The following RPS6KA2 variants were observed in gnomAD, a reference collection of about 807,000 sequenced individuals.
RPS6KA2 encodes the protein ribosomal protein S6 kinase alpha-2.
A neutral mutation model predicts 91.8 loss-of-function variants in RPS6KA2; 42 were observed. The observed-to-expected ratio is 0.46, with a 90% CI of 0.36 to 0.59. The LOEUF (loss-of-function observed/expected upper bound fraction) is 0.59, where lower values mean the gene tolerates loss of function less well. RPS6KA2 is among the 20% of genes least tolerant of loss of function. The pLI, the probability that RPS6KA2 is intolerant of heterozygous loss-of-function variation, is 0.00. For synonymous variants in RPS6KA2, 414 were observed against 393.6 expected (o/e 1.05, Z -0.61); for missense variants, 798 against 978.5 (o/e 0.82, Z 2.46).
chr6:166,720,999 A>G (rs1280746175), intron 2 of RPS6KA2, among the ~76,000 whole-genome samples: 2 of 152,210 alleles, frequency 1.3e-5, no homozygotes, highest in East Asian at 3.8e-4. Flanking sequence ...CATCTTACAT[A>G]CACTTCACAG....
chr6:166,680,604 G>A (rs1292990927), intron 2 of RPS6KA2, among the ~76,000 whole-genome samples: 4 of 152,206 alleles, frequency 2.6e-5, no homozygotes, highest in East Asian at 3.9e-4. Context: ...CCGCCAGGAG[G>A]GACGAACAAC....
intron 2 of RPS6KA2, among the ~76,000 whole-genome samples, chr6:166,724,150 A>G (rs1790269309): frequency 6.6e-6 from 1 of 152,232 alleles, no homozygotes; most frequent in Admixed American, 6.5e-5. Context: ...GTATGAGTAT[A>G]TCAAATATGC....
chr6:166,508,008 A>G lies in RPS6KA2; in HGVS notation c.459+195T>C, dbSNP rs1583219754. 6.9e-6 allele frequency among the ~76,000 whole-genome samples: 1 copy of G among 144,582 alleles called. No homozygotes were observed. The highest frequency in any genetic ancestry group is 2.1e-4 in the East Asian group (1 of 4,734). The allele number at this position is 144,582 out of a possible 152,430, so 94.9% of individuals were successfully genotyped here. A position where few individuals can be genotyped will look rare whatever the true frequency, so the allele number is the denominator to read the frequency against. On this transcript the variant is annotated intron_variant, in intron 5 of 20. Transcript: ENST00000265678. This position sits in a 1 kb window ranked among gnomAD's most constrained non-coding sequence, Gnocchi z 4.3. ...CAACCCCCCACCACACATCATGCAC[A>G]CTTGCACACACTCACACATGTACAC... is the stretch of plus-strand genomic sequence containing the variant.
intron 2 of RPS6KA2, among the ~76,000 whole-genome samples, chr6:166,851,702 C>T (rs943458103): frequency 6.6e-6 from 1 of 152,122 alleles, no homozygotes; most frequent in Non-Finnish European, 1.5e-5. Flanking sequence ...CTCTGTTTCT[C>T]GGAAAGAAAG....
intron 3 of RPS6KA2, among the ~76,000 whole-genome samples, chr6:166,525,885 T>C (rs1314650013): frequency 6.6e-6 from 1 of 152,190 alleles, no homozygotes; most frequent in East Asian, 1.9e-4. Context: ...TAGGAGATAC[T>C]TGAACAACTT....
rs1786798774 is a variant in RPS6KA2, at chr6:166,624,983, G to A, written c.99+1938C>T. 2.0e-5 allele frequency among the ~76,000 whole-genome samples: 3 copies of A among 152,054 alleles called. No homozygotes were observed. The South Asian group carries it at 6.2e-4, about 32-fold the overall frequency. On this transcript the variant is annotated intron_variant, in intron 1 of 20. Transcript: ENST00000265678. ...TGAGCAGCTGGGATTACAGGCACGC[G>A]CCACCATGCCCAGCTAATTTTTGTA...
intron 2 of RPS6KA2, among the ~76,000 whole-genome samples, chr6:166,645,981 G>A (rs1182206319): frequency 6.6e-6 from 1 of 152,166 alleles, no homozygotes; most frequent in Non-Finnish European, 1.5e-5. Flanking sequence ...GCAAGTGCTC[G>A]TTAGAACAAA....
intron 10 of RPS6KA2, among the ~76,000 whole-genome samples, chr6:166,478,064 G>A (rs1387596270): frequency 1.3e-5 from 2 of 152,198 alleles, no homozygotes; most frequent in Non-Finnish European, 2.9e-5. Flanking sequence ...ATTTCCAGGG[G>A]GAGGCCAAGC....
At position 166,625,503 on chromosome 6, in the gene RPS6KA2, A is replaced by G. The variant is rs375299833; in HGVS notation, c.99+1418T>C. Among the ~76,000 whole-genome samples, 268 of 152,204 alleles carry G rather than the reference A, an allele frequency of 1.8e-3. No homozygotes were observed. The Middle Eastern group carries it at 0.034, about 19-fold the overall frequency. On this transcript the variant is annotated intron_variant, in intron 1 of 20. Coordinates refer to ENST00000265678, the MANE Select transcript of RPS6KA2 (RefSeq NM_021135.6). ...GCTGCTCTTCATAAACAATGCCTGG[A>G]GTGTGCTCACACGTGTACCTCTTCT...
At chr6:166,699,962 T>A (rs182085309) in intron 2 of RPS6KA2, among the ~76,000 whole-genome samples, 22 of 152,354 alleles carry the variant, frequency 1.4e-4, no homozygotes, top group African/African-American at 5.3e-4. Context: ...TTAAACACTG[T>A]CACACCATCT....
chr6:166,472,134 T>C (rs1255886033), intron 10 of RPS6KA2, among the ~76,000 whole-genome samples: 1 of 152,190 alleles, frequency 6.6e-6, no homozygotes, highest in East Asian at 1.9e-4. Flanking sequence ...ACTCTTTTGT[T>C]TGGTGACTGT....
chr6:166,502,128 C>T (rs1323954671), intron 6 of RPS6KA2, among the ~76,000 whole-genome samples: 2 of 151,982 alleles, frequency 1.3e-5, no homozygotes, highest in Non-Finnish European at 2.9e-5. Context: ...TGGAGATGGA[C>T]GGTGGGGATG....
In RPS6KA2 at chr6:166,423,712, T is replaced by C. The variant is rs1274494382; in HGVS notation, c.1582-295A>G. Reference sequence around the variant, plus strand: ...TCTCCAAGTTGAGGCCGCAGCTTACTGGAGCTGTCACATAAAAGGAAATGT... The same window carrying C: ...TCTCCAAGTTGAGGCCGCAGCTTACCGGAGCTGTCACATAAAAGGAAATGT... On this transcript the variant is annotated intron_variant, in intron 16 of 20. Transcript: ENST00000265678. The surrounding 1 kb of genome is among the most constrained non-coding windows in gnomAD (Gnocchi z 4.8). Among the ~76,000 whole-genome samples, 2 of 152,252 alleles carry C rather than the reference T, an allele frequency of 1.3e-5. No individual in the cohort carries two copies. Among genetic ancestry groups the C allele is most frequent in the African/African-American group, 4.8e-5 (2 of 41,468 alleles).
chr6:166,716,501 T>G lies in RPS6KA2; in HGVS notation c.123+141699A>C, dbSNP rs531401354. ...ATGACATTGAATGAAACGACGTCAT[T>G]TGAGGACCTGCTGCACAGGTAAAAT... On this transcript the variant is annotated intron_variant, in intron 2 of 21. Transcript: ENST00000503859. 2.0e-5 allele frequency among the ~76,000 whole-genome samples: 3 copies of G among 152,264 alleles called. No homozygotes were observed. The East Asian group carries it at 5.8e-4, about 29-fold the overall frequency.
chr6:166,789,226 C>T (rs1041184743), intron 2 of RPS6KA2, among the ~76,000 whole-genome samples: 7 of 152,332 alleles, frequency 4.6e-5, no homozygotes, highest in South Asian at 4.1e-4. Flanking sequence ...ACACCTGGCT[C>T]GGAGGGTCCT....
intron 8 of RPS6KA2, among the ~76,000 whole-genome samples, chr6:166,491,453 C>T (rs1336997083): frequency 6.6e-6 from 1 of 152,176 alleles, no homozygotes; most frequent in Non-Finnish European, 1.5e-5. Context: ...ATGGTCTCAT[C>T]AGAGCAAGGT....
intron 2 of RPS6KA2, among the ~76,000 whole-genome samples, chr6:166,766,576 T>G (rs975482053): frequency 2.6e-5 from 4 of 152,220 alleles, no homozygotes; most frequent in African/African-American, 7.2e-5. Context: ...AAAACTTTGA[T>G]GTACTGTTTT....
intron 1 of RPS6KA2, among the ~76,000 whole-genome samples, chr6:166,575,192 G>C (rs1054212611): frequency 2.0e-5 from 3 of 152,220 alleles, no homozygotes; most frequent in Admixed American, 2.0e-4. Context: ...TTGGAGGAAA[G>C]ATTTTCAACA....
intron 1 of RPS6KA2, among the ~76,000 whole-genome samples, chr6:166,597,579 TAAAG>T (rs1271353414): frequency 6.6e-6 from 1 of 152,070 alleles, no homozygotes; most frequent in Non-Finnish European, 1.5e-5. Context: ...ATTTAACACA[TAAAG>T]AAAACGTAAG....
Sources: allele counts gnomAD v4.1 joint callset (sites outside exome capture counted in the v4.1 genomes callset), GRCh38; gene constraint gnomAD v4.1.1; non-coding constraint Gnocchi (gnomAD v3.1); transcripts MANE v1.5; gene names NCBI Gene and HGNC (gene_info 2026-07-23, HGNC 2026-07-21).